Variants in DOCK2 observed in about 807,000 individuals in gnomAD.
DOCK2 encodes dedicator of cytokinesis protein 2.
A neutral mutation model predicts 248.9 loss-of-function variants in DOCK2; 87 were observed. That is an observed-to-expected ratio of 0.35 (90% CI 0.29 to 0.42). The LOEUF is 0.42. DOCK2 is among the 10% of genes least tolerant of loss of function. The pLI, the probability that DOCK2 is intolerant of heterozygous loss-of-function variation, is 1.00. For synonymous variants in DOCK2, 805 were observed against 821.6 expected, an observed-to-expected ratio of 0.98 and a Z score of 0.35; for missense variants, 1,747 against 2,300.2, an observed-to-expected ratio of 0.76 and a Z score of 4.92.
intron 33 of DOCK2, among the ~76,000 whole-genome samples, chr5:170,019,332 A>G (rs1262003267): frequency 2.6e-5 from 4 of 152,140 alleles, no homozygotes; most frequent in Admixed American, 6.5e-5. Flanking sequence ...CTGGCTGTGT[A>G]TTTGCTTAGC....
At chr5:170,021,420 A>G (rs528876868) in intron 33 of DOCK2, among the ~76,000 whole-genome samples, 60 of 152,328 alleles carry the variant, frequency 3.9e-4, no homozygotes, top group Non-Finnish European at 7.4e-5. Flanking sequence ...AAACACACCA[A>G]GTGCCTGATG....
intron 27 of DOCK2, among the ~76,000 whole-genome samples, chr5:169,897,208 C>CA (rs1325974513): frequency 2.0e-5 from 3 of 151,768 alleles, no homozygotes; most frequent in Middle Eastern, 3.4e-3. Flanking sequence ...TTTTTTGAGA[C>CA]AGAGTCTTGC....
At chr5:169,826,421 G>T (rs926363543) in intron 26 of DOCK2, among the ~76,000 whole-genome samples, 2 of 152,012 alleles carry the variant, frequency 1.3e-5, no homozygotes, top group East Asian at 3.9e-4. Context: ...CTCATCTCTG[G>T]GGGGGACGAG....
intron 29 of DOCK2, among the ~76,000 whole-genome samples, chr5:169,994,476 C>T (rs1370521298): frequency 6.6e-6 from 1 of 152,164 alleles, no homozygotes; most frequent in Non-Finnish European, 1.5e-5. Flanking sequence ...TGCACACAGA[C>T]AGCTGGATGT....
intron 27 of DOCK2, among the ~76,000 whole-genome samples, chr5:169,856,955 T>C (rs1770929314): frequency 1.3e-5 from 2 of 152,200 alleles, no homozygotes; most frequent in Admixed American, 6.5e-5. Context: ...TTGAGTAAAA[T>C]CTAATATAGT....
At chr5:169,743,585 G>A (rs1193168853) in intron 22 of DOCK2, among the ~76,000 whole-genome samples, 1 of 152,126 alleles carries the variant, frequency 6.6e-6, no homozygotes, top group Non-Finnish European at 1.5e-5. Flanking sequence ...CCATTTGAAT[G>A]AGCATTAGGA....
At chr5:169,779,511 C>T (rs1274886722) in intron 25 of DOCK2, 1 of 152,248 alleles carries the variant, frequency 6.6e-6, no homozygotes, top group Admixed American at 6.5e-5. Flanking sequence ...TCCAATGGCT[C>T]ACACTGGCTC....
chr5:170,066,106 A>C (rs977441861), intron 44 of DOCK2, among the ~76,000 whole-genome samples: 2 of 152,090 alleles, frequency 1.3e-5, no homozygotes, highest in Non-Finnish European at 2.9e-5. Context: ...CGCCCGCCAC[A>C]ACGCCTGGCT....
chr5:169,648,468 G>A (rs1396509292), intron 1 of DOCK2, among the ~76,000 whole-genome samples: 1 of 152,154 alleles, frequency 6.6e-6, no homozygotes, highest in Admixed American at 6.5e-5. Flanking sequence ...ACAATATGCA[G>A]CCCATAAGGT....
At chr5:169,889,647 C>A (rs912336825) in intron 27 of DOCK2, among the ~76,000 whole-genome samples, 1 of 152,180 alleles carries the variant, frequency 6.6e-6, no homozygotes, top group African/African-American at 2.4e-5. Flanking sequence ...CTTTAAAGGG[C>A]CAGATAGTAA....
chr5:169,938,722 A>G (rs971470570), intron 27 of DOCK2, among the ~76,000 whole-genome samples: 4 of 152,160 alleles, frequency 2.6e-5, no homozygotes, highest in Admixed American at 1.3e-4. Context: ...TTTATTAAAA[A>G]TATTTTTTCT....
chr5:170,022,494 T>C (rs895910123), intron 33 of DOCK2, among the ~76,000 whole-genome samples: 1 of 152,098 alleles, frequency 6.6e-6, no homozygotes, highest in Non-Finnish European at 1.5e-5. Flanking sequence ...AGTGTAGCAC[T>C]TCATCCCAGA....
chr5:169,875,252 A>G (rs1277035247), intron 27 of DOCK2: 1 of 456,664 alleles, frequency 2.2e-6, no homozygotes, highest in Admixed American at 2.3e-5. Context: ...GCGGATTCCC[A>G]TCCTCCACCC....
At position 169,717,407 on chromosome 5, in the gene DOCK2, A is replaced by G. The variant is rs1343271662; in HGVS notation, c.2055A>G (p.Ala685=). 2.5e-6 allele frequency: 4 copies of G among 1,613,812 alleles called. No homozygotes were observed. ...AGATTTACATAATAGGACTCATTGCAGACCGGAAATTTCAGCATTTCAACA... is the reference window on the plus strand; with the variant it reads ...AGATTTACATAATAGGACTCATTGCGGACCGGAAATTTCAGCATTTCAACA... The part of the protein sequence containing the change: ...DALIYIIGLI[A]DRKFQHFNTV... Residue 685 remains alanine, a synonymous_variant, in exon 21 of 52, where the codon GCA becomes GCG. Transcript: ENST00000520908.
intron 27 of DOCK2, among the ~76,000 whole-genome samples, chr5:169,923,681 G>A (rs1775295943): frequency 6.6e-6 from 1 of 152,254 alleles, no homozygotes; most frequent in African/African-American, 2.4e-5. Flanking sequence ...ATAGGACTAA[G>A]TAAGGCACTG....
At chr5:170,076,826 A>G (rs572308467) in intron 47 of DOCK2, among the ~76,000 whole-genome samples, 3 of 152,256 alleles carry the variant, frequency 2.0e-5, no homozygotes, top group South Asian at 2.1e-4. Flanking sequence ...GTCACTTTCA[A>G]TACTCCCTAC....
At chr5:170,031,829 A>C (rs1352142398) in intron 34 of DOCK2, among the ~76,000 whole-genome samples, 1 of 152,162 alleles carries the variant, frequency 6.6e-6, no homozygotes, top group African/African-American at 2.4e-5. Context: ...AAAGAAAGCC[A>C]AGACCTTTTT....
chr5:170,080,081 T>C, intron 49 of DOCK2, 82 bp from the exon 50 acceptor site: 2 of 1,585,588 alleles, frequency 1.3e-6, no homozygotes, highest in Admixed American at 1.7e-5. Flanking sequence ...CCCTCCTCAC[T>C]GATCTTTCAG....
chr5:169,675,539 G>C (rs990365402), intron 6 of DOCK2, among the ~76,000 whole-genome samples: 1 of 152,214 alleles, frequency 6.6e-6, no homozygotes, highest in Non-Finnish European at 1.5e-5. Flanking sequence ...CAGGAAGCAA[G>C]AGTTACTTTT....
Sources: allele counts gnomAD v4.1 joint callset (sites outside exome capture counted in the v4.1 genomes callset), GRCh38; gene constraint gnomAD v4.1.1; transcripts MANE v1.5; gene names NCBI Gene and HGNC (gene_info 2026-07-23, HGNC 2026-07-21).